The following TWF1 variants were observed in gnomAD, a reference collection of about 807,000 sequenced individuals.
TWF1 encodes the protein twinfilin-1.
TWF1 carries 14 observed loss-of-function variants against 47.9 expected under a neutral mutation model. The ratio of observed to expected loss-of-function variants is 0.29; its 90% CI spans 0.19 to 0.46. TWF1 has a LOEUF of 0.46. Among genes scored for constraint, TWF1 ranks in the 20% least tolerant of loss-of-function variants. TWF1 has a pLI of 1.00. For synonymous variants in TWF1, 96 were observed against 139.2 expected (o/e 0.69, Z 2.18); for missense variants, 281 against 409.3 (o/e 0.69, Z 2.70).
chr12:43,800,617 A>T (rs761588844), intron 3 of TWF1, 87 bp from the exon 4 acceptor site: 50 of 1,037,218 alleles, frequency 4.8e-5, no homozygotes, highest in Non-Finnish European at 7.1e-5. Context: ...TAATATCCTG[A>T]ATCACATTAA....
chr12:43,804,014 T>C (rs1942709775), intron 2 of TWF1: 3 of 214,184 alleles, frequency 1.4e-5, no homozygotes, highest in African/African-American at 6.9e-5. Context: ...TAGTTTGTTA[T>C]ATTCTCAGAA....
intron 5 of TWF1, 85 bp from the exon 6 acceptor site, chr12:43,797,918 GTATCATTCAA>G (rs1942584635): frequency 7.1e-7 from 1 of 1,405,068 alleles, no homozygotes; most frequent in Non-Finnish European, 9.7e-7. Flanking sequence ...CTATAAAATA[GTATCATTCAA>G]CCCTAGCCCA....
intron 1 of TWF1, chr12:43,805,690 C>T (rs1315562603): frequency 9.7e-6 from 8 of 828,246 alleles, no homozygotes; most frequent in East Asian, 6.0e-5. Flanking sequence ...CAGAACATAA[C>T]TCTCATTTTC....
In TWF1 at chr12:43,795,481, C is replaced by T; in HGVS notation, c.*104G>A. On this transcript the variant is annotated 3_prime_UTR_variant, in exon 9 of 9. Coordinates refer to ENST00000395510, the MANE Select transcript of TWF1 (RefSeq NM_002822.5). ...GAAAAGTGCTATTTTCCAAAAAGTA[C>T]AATTTTTTTCCCTACTTTATATCAA... The T allele has an allele frequency of 8.4e-7, 1 of 1,193,800 alleles. No homozygotes were observed. Among genetic ancestry groups the T allele is most frequent in the Non-Finnish European group, 1.2e-6 (1 of 866,808 alleles). 74.0% of individuals were successfully genotyped at this position (1,193,800 alleles called of 1,614,324 possible).
chr12:43,804,476 T>C lies in TWF1; in HGVS notation c.103+19A>G. 1 of 1,493,454 alleles carries C rather than the reference T, an allele frequency of 6.7e-7. No individual in the cohort carries two copies. Among genetic ancestry groups the C allele is most frequent in the Non-Finnish European group, 9.2e-7 (1 of 1,082,780 alleles). The allele number at this position is 1,493,454 out of a possible 1,614,324, so 92.5% of individuals were successfully genotyped here. ...CCACTAATCCAGGAACAGAAAATAT[T>C]TTAAAATATTTAACTAACCATTTTC... is the stretch of plus-strand genomic sequence containing the variant. On this transcript the variant is annotated intron_variant, in intron 2 of 8. Coordinates refer to ENST00000395510, the MANE Select transcript of TWF1 (RefSeq NM_002822.5).
At chr12:43,802,520 G>C (rs1222649935) in intron 2 of TWF1, 56 bp from the exon 3 acceptor site, 1 of 1,254,430 alleles carries the variant, frequency 8.0e-7, no homozygotes, top group South Asian at 1.4e-5. Flanking sequence ...TCAAGTGGTA[G>C]TGTGATGAAG....
In TWF1 at chr12:43,803,316, A is replaced by G. The variant is rs1942696048; in HGVS notation, c.104-852T>C. Among the ~76,000 whole-genome samples, 4 of 152,172 alleles carry G rather than the reference A, an allele frequency of 2.6e-5. No homozygotes were observed. The South Asian group carries it at 8.3e-4, about 31-fold the overall frequency. On this transcript the variant is annotated intron_variant, in intron 2 of 8. Coordinates refer to ENST00000395510, the MANE Select transcript of TWF1 (RefSeq NM_002822.5). ...TAAAAACAGACTGCACAAGTATCAG[A>G]ACTCCCAATTGTAGTTGCCCCAGGG...
intron 2 of TWF1, among the ~76,000 whole-genome samples, chr12:43,803,293 A>G (rs1942695658): frequency 6.6e-6 from 1 of 152,194 alleles, no homozygotes; most frequent in Admixed American, 6.5e-5. Flanking sequence ...GATACATGTA[A>G]AAACAGACTG....
Position 43,795,733 on chromosome 12 carries a change from T to A in TWF1, c.905A>T (p.Glu302Val). ...IRKIEIDNGD[E>V]LTADFLYEEV... is the part of the protein sequence containing the mutation. ...TTCATAAAGGAAGTCTGCAGTCAAC[T>A]CATCCCCATTGTCTATCTCGATCTG... is the stretch of plus-strand genomic sequence containing the variant. Residue 302 changes from glutamate (E) to valine (V), a missense_variant, in exon 9 of 9, where the codon GAG (glutamate) becomes GTG (valine). Physicochemically the swap from Glu to Val is moderately radical, Grantham distance 121. Transcript: ENST00000395510. 6.2e-7 allele frequency: 1 copy of A among 1,613,860 alleles called. No homozygotes were observed. The highest frequency in any genetic ancestry group is 8.5e-7 in the Non-Finnish European group (1 of 1,179,814).
At position 43,795,576 on chromosome 12, in the gene TWF1, G is replaced by A. The variant is rs768039861; in HGVS notation, c.*9C>T. 1 of 1,610,438 alleles carries A rather than the reference G, an allele frequency of 6.2e-7. No individual in the cohort carries two copies. The highest frequency in any genetic ancestry group is 1.1e-5 in the South Asian group (1 of 90,900). On this transcript the variant is annotated 3_prime_UTR_variant, in exon 9 of 9. Coordinates refer to ENST00000395510, the MANE Select transcript of TWF1 (RefSeq NM_002822.5). Reference sequence around the variant, plus strand: ...AAAAACTAGTATTACAATGTTTAATGTGATGACTTTAATCAGTAGTAGCTT... The same window carrying A: ...AAAAACTAGTATTACAATGTTTAATATGATGACTTTAATCAGTAGTAGCTT...
rs534682940 is a variant in TWF1, at chr12:43,802,700, A to G, written c.104-236T>C. ...TTAAAATATACACAGCCTAAGAAAG[A>G]AACATATAAAAATGATCATAACAGT... On this transcript the variant is annotated intron_variant, in intron 2 of 8. Transcript: ENST00000395510. Among the ~76,000 whole-genome samples the G allele has an allele frequency of 7.2e-5, 11 of 152,328 alleles. No homozygotes were observed. In the East Asian group the frequency reaches 2.1e-3, roughly 29 times the overall value.
intron 3 of TWF1, among the ~76,000 whole-genome samples, chr12:43,801,236 C>T (rs752530209): frequency 3.9e-5 from 6 of 152,048 alleles, no homozygotes; most frequent in Admixed American, 2.6e-4. Context: ...CACGGCTTAC[C>T]GATGGCACAT....
Position 43,795,522 on chromosome 12 carries a change from G to A in TWF1, c.*63C>T. 6.7e-7 allele frequency: 1 copy of A among 1,486,870 alleles called. No individual in the cohort carries two copies. Among genetic ancestry groups the A allele is most frequent in the Non-Finnish European group, 9.1e-7 (1 of 1,096,196 alleles). The allele number at this position is 1,486,870 out of a possible 1,614,324, so 92.1% of individuals were successfully genotyped here. On this transcript the variant is annotated 3_prime_UTR_variant, in exon 9 of 9. Transcript: ENST00000395510. ...TTTATATCAACATGGAATGATTTCA[G>A]TTCTCCTGTACTAAAAGCTGGACTT...
At chr12:43,797,155 A>C (rs1300896290) in intron 7 of TWF1, 58 bp from the exon 8 acceptor site, 1 of 1,513,508 alleles carries the variant, frequency 6.6e-7, no homozygotes, top group Non-Finnish European at 9.0e-7. Flanking sequence ...ACTTCATAAA[A>C]CTACATATAT....
chr12:43,802,188 G>C, intron 3 of TWF1, 98 bp downstream of exon 3: 1 of 759,456 alleles, frequency 1.3e-6, no homozygotes, highest in Non-Finnish European at 2.0e-6. Context: ...CCCTTCTATG[G>C]GAAATAATTA....
At position 43,797,107 on chromosome 12, in the gene TWF1, C is replaced by T; in HGVS notation, c.761-10G>A. 9 of 1,572,386 alleles carry T rather than the reference C, an allele frequency of 5.7e-6. No individual in the cohort carries two copies. Among genetic ancestry groups the T allele is most frequent in the Non-Finnish European group, 6.9e-6 (8 of 1,157,484 alleles). On this transcript the variant is annotated splice_polypyrimidine_tract_variant and intron_variant, in intron 7 of 8. Transcript: ENST00000395510. ...ATTGAATAAATAAAAACTGTAAGTT[C>T]AAATAATAACAAATATAATTAGCAT...
In TWF1 at chr12:43,800,470, C is replaced by T. The variant is rs750803030; in HGVS notation, c.343G>A (p.Gly115Ser). The change falls in exon 4 of 9, where the codon GGC becomes AGC. Residue 115 changes from glycine to serine, a missense_variant. Gly to Ser is a moderately conservative substitution (Grantham distance 56). Coordinates refer to ENST00000395510, the MANE Select transcript of TWF1 (RefSeq NM_002822.5). The part of the protein sequence containing the change: ...RATLKKEFGG[G>S]HIKDEVFGTV... ...CCAAATACTTCATCTTTAATGTGGC[C>T]ACCTCCAAATTCCTTCTTCAGAGTT... 1 of 1,613,522 alleles carries T rather than the reference C, an allele frequency of 6.2e-7. No individual in the cohort carries two copies. Among genetic ancestry groups the T allele is most frequent in the Admixed American group, 1.7e-5 (1 of 60,000 alleles).
chr12:43,799,579 A>G, intron 4 of TWF1, 77 bp from the exon 5 acceptor site: 4 of 683,170 alleles, frequency 5.9e-6, no homozygotes, highest in Non-Finnish European at 6.9e-6. Flanking sequence ...GGAAAAACAA[A>G]ATCATTAACA....
intron 1 of TWF1, chr12:43,805,395 A>C (rs1942740576): frequency 1.1e-5 from 4 of 360,584 alleles, no homozygotes; most frequent in South Asian, 8.2e-5. Flanking sequence ...CGAATAAAAC[A>C]TACAATTAAG....
Sources: allele counts gnomAD v4.1 joint callset (sites outside exome capture counted in the v4.1 genomes callset), GRCh38; gene constraint gnomAD v4.1.1; transcripts MANE v1.5; gene names NCBI Gene and HGNC (gene_info 2026-07-23, HGNC 2026-07-21).